Variants in KCNQ2 observed in about 807,000 individuals in gnomAD.
KCNQ2 encodes the protein potassium voltage-gated channel subfamily Q member 2.
In KCNQ2, 14 loss-of-function variants were observed where a neutral mutation model predicts 84.8. That is an observed-to-expected ratio of 0.17 (90% CI 0.11 to 0.26). The LOEUF is 0.26. Among genes scored for constraint, KCNQ2 ranks in the 10% least tolerant of loss-of-function variants. The probability of loss-of-function intolerance (pLI) is 1.00; values close to 1 mark genes in which losing one functional copy is unlikely to be tolerated. For missense variants in KCNQ2, 788 were observed against 1,254.0 expected (o/e 0.63, Z 5.61); for synonymous variants, 599 against 554.1 (o/e 1.08, Z -1.14).
At chr20:63,421,940 C>T (rs556615913) in intron 11 of KCNQ2, among the ~76,000 whole-genome samples, 6 of 152,298 alleles carry the variant, frequency 3.9e-5, no homozygotes, top group South Asian at 4.1e-4. Flanking sequence ...CTACGGGAAC[C>T]GAGCCCCCGC....
Position 63,414,775 on chromosome 20 carries a change from A to C in KCNQ2, c.1525+128T>G. 1.2e-6 allele frequency: 1 copy of C among 862,092 alleles called. No individual in the cohort carries two copies. The highest frequency in any genetic ancestry group is 1.9e-6 in the Non-Finnish European group (1 of 519,814). 53.4% of individuals were successfully genotyped at this position (862,092 alleles called of 1,614,324 possible). On this transcript the variant is annotated intron_variant, in intron 13 of 16. Coordinates refer to ENST00000359125, the MANE Select transcript of KCNQ2 (RefSeq NM_172107.4). The surrounding 1 kb of genome is among the most constrained non-coding windows in gnomAD (Gnocchi z 6.6). ...GCACAAGTCTCACCTCAATTTTAGA[A>C]AGGATAGGGGGTTCCCACTCCAAGA...
Position 63,406,452 on chromosome 20 carries a change from T to G in KCNQ2, c.*192A>C. 2.9e-6 allele frequency: 2 copies of G among 696,456 alleles called. No homozygotes were observed. The highest frequency in any genetic ancestry group is 4.7e-6 in the Non-Finnish European group (2 of 429,984). The allele number at this position is 696,456 out of a possible 1,614,324, so 43.1% of individuals were successfully genotyped here. ...CCCTGCCCAGCCCTCCAGCCCCTGT[T>G]GGAAAATAACTTTTGTAAAAGGTCA... On this transcript the variant is annotated 3_prime_UTR_variant, in exon 17 of 17. Transcript: ENST00000359125.
chr20:63,442,782 C>CACCATCACCAT (rs1555872407), intron 4 of KCNQ2, among the ~76,000 whole-genome samples: 1 of 31,770 alleles, frequency 3.1e-5, no homozygotes, highest in South Asian at 1.2e-3. Context: ...ATCACCACCA[C>CACCATCACCAT]CACCATCACC....
chr20:63,451,251 TCAC>T (rs1257308595), intron 1 of KCNQ2, among the ~76,000 whole-genome samples: 1 of 152,108 alleles, frequency 6.6e-6, no homozygotes, highest in Non-Finnish European at 1.5e-5. Flanking sequence ...GCCTCTGTCT[TCAC>T]CGCCGCTGTC....
At chr20:63,465,864 C>G (rs557196389) in intron 1 of KCNQ2, among the ~76,000 whole-genome samples, 1 of 152,178 alleles carries the variant, frequency 6.6e-6, no homozygotes, top group East Asian at 1.9e-4. Flanking sequence ...CCGCCGTTTC[C>G]GCTCGACGCT....
At chr20:63,443,451 T>C (rs796607780) in intron 4 of KCNQ2, among the ~76,000 whole-genome samples, 797 of 23,300 alleles carry the variant, frequency 0.034, 23 homozygotes, top group African/African-American at 0.091. Flanking sequence ...ACCACCACCA[T>C]CACCATCACC....
intron 7 of KCNQ2, among the ~76,000 whole-genome samples, chr20:63,436,278 T>C (rs1223746449): frequency 6.6e-6 from 1 of 152,198 alleles, no homozygotes; most frequent in Non-Finnish European, 1.5e-5. Context: ...ACGCCTGTAA[T>C]CCCAGCACTT....
At chr20:63,409,446 T>A (rs958518759) in intron 15 of KCNQ2, among the ~76,000 whole-genome samples, 1 of 152,202 alleles carries the variant, frequency 6.6e-6, no homozygotes, top group Non-Finnish European at 1.5e-5. Context: ...ACCAGTCTGG[T>A]ATCCACAGAG....
Position 63,415,440 on chromosome 20 carries a change from G to T in KCNQ2, c.1302-314C>A, listed in dbSNP as rs527544493. ...GGCCGAGCACCCGGCGGGAGGGAGG[G>T]AGGGGAGGCCACGGGGACCGAGCAC... is the stretch of plus-strand genomic sequence containing the variant. On this transcript the variant is annotated intron_variant, in intron 12 of 16. Transcript: ENST00000359125. Among the ~76,000 whole-genome samples, 11 of 113,876 alleles carry T rather than the reference G, an allele frequency of 9.7e-5. 1 individual carries two copies. Among genetic ancestry groups the T allele is most frequent in the African/African-American group, 3.0e-4 (9 of 29,734 alleles). The allele number at this position is 113,876 out of a possible 152,430, so 74.7% of individuals were successfully genotyped here.
intron 5 of KCNQ2, among the ~76,000 whole-genome samples, chr20:63,441,379 G>A (rs967972444): frequency 6.6e-6 from 1 of 152,116 alleles, no homozygotes; most frequent in Admixed American, 6.5e-5. Flanking sequence ...CACAGAAGCA[G>A]CCGCATCCGC....
chr20:63,406,511 G>C lies in KCNQ2; in HGVS notation c.*133C>G. On this transcript the variant is annotated 3_prime_UTR_variant, in exon 17 of 17. Transcript: ENST00000359125. ...AGCCCCCATCCTTCAGCCCACATGG[G>C]CCCCTCCAGGGCCCACCCTTCCCGC... is the stretch of plus-strand genomic sequence containing the variant. 9.0e-7 allele frequency: 1 copy of C among 1,112,994 alleles called. No homozygotes were observed. Among genetic ancestry groups the C allele is most frequent in the Non-Finnish European group, 1.2e-6 (1 of 806,736 alleles). 68.9% of individuals were successfully genotyped at this position (1,112,994 alleles called of 1,614,324 possible). A position where few individuals can be genotyped will look rare whatever the true frequency, so the allele number is the denominator to read the frequency against.
At position 63,409,888 on chromosome 20, in the gene KCNQ2, G is replaced by A. The variant is rs1409448058; in HGVS notation, c.1764-1352C>T. The stretch of plus-strand genomic sequence containing the variant: ...TGCCCTACCTGCCTCTGATGGGGGC[G>A]GGACTTCCTGCCACTGGGCTGCCCT... On this transcript the variant is annotated intron_variant, in intron 15 of 16. Transcript: ENST00000359125. The A allele has an allele frequency of 4.9e-5, 5 of 101,844 alleles. No homozygotes were observed. The East Asian group carries it at 1.3e-3, about 27-fold the overall frequency. 6.3% of individuals were successfully genotyped at this position (101,844 alleles called of 1,614,324 possible).
In KCNQ2 at chr20:63,401,755, C is replaced by A; in HGVS notation, c.*4889G>T. ...GCACCCGTGCACTGAGCACCCACCCCTCAGAGCTCAGCCCCCTGCTGGGCA... is the reference window on the plus strand; with the variant it reads ...GCACCCGTGCACTGAGCACCCACCCATCAGAGCTCAGCCCCCTGCTGGGCA... On this transcript the variant is annotated 3_prime_UTR_variant, in exon 17 of 17. Coordinates refer to ENST00000359125, the MANE Select transcript of KCNQ2 (RefSeq NM_172107.4). 4.9e-6 allele frequency: 1 copy of A among 202,026 alleles called. No homozygotes were observed. The highest frequency in any genetic ancestry group is 1.0e-5 in the Non-Finnish European group (1 of 97,636). The allele number at this position is 202,026 out of a possible 1,614,324, so 12.5% of individuals were successfully genotyped here.
intron 8 of KCNQ2, among the ~76,000 whole-genome samples, chr20:63,431,985 G>GAAGGCCTCACCCACAGGA (rs1568912359): frequency 0.03 from 4,034 of 136,692 alleles, 287 homozygotes; most frequent in Admixed American, 0.065. Context: ...CACCCGCAGG[G>GAAGGCCTCACCCACAGGA]AAGGCCCCAC....
In KCNQ2 at chr20:63,445,627, A is replaced by G. The variant is rs73619477; in HGVS notation, c.388-263T>C. 11 of 38,664 alleles carry G rather than the reference A, an allele frequency of 2.8e-4. 1 individual carries two copies. Among genetic ancestry groups the G allele is most frequent in the African/African-American group, 1.2e-3 (3 of 2,584 alleles). The allele number at this position is 38,664 out of a possible 1,614,324, so 2.4% of individuals were successfully genotyped here. On this transcript the variant is annotated intron_variant, in intron 2 of 16. Transcript: ENST00000359125. ...CCCCACCTCCCTGTCTGAGCTGGGG[A>G]CTCTATCTGGGCTAGGGGACCATGT...
At chr20:63,434,238 C>T (rs1234482774) in intron 7 of KCNQ2, 4 of 341,280 alleles carry the variant, frequency 1.2e-5, no homozygotes, top group Non-Finnish European at 2.1e-5. Context: ...TATCACCTGT[C>T]CTGGGGGTTA....
At position 63,401,615 on chromosome 20, in the gene KCNQ2, G is replaced by A. The variant is rs2079810274; in HGVS notation, c.*5029C>T. The A allele has an allele frequency of 6.5e-6, 1 of 153,778 alleles. No homozygotes were observed. Among genetic ancestry groups the A allele is most frequent in the Non-Finnish European group, 1.4e-5 (1 of 69,056 alleles). 9.5% of individuals were successfully genotyped at this position (153,778 alleles called of 1,614,324 possible). On this transcript the variant is annotated 3_prime_UTR_variant, in exon 17 of 17. Transcript: ENST00000359125. Reference sequence around the variant, plus strand: ...CCGTCCTGCAGCCCCTAAAGGCCCTGACCAGGCCTCTTCACGCCACCCCCA... The same window carrying A: ...CCGTCCTGCAGCCCCTAAAGGCCCTAACCAGGCCTCTTCACGCCACCCCCA...
intron 1 of KCNQ2, among the ~76,000 whole-genome samples, chr20:63,450,604 C>T (rs1350480461): frequency 2.6e-3 from 4 of 1,522 alleles, no homozygotes; most frequent in Admixed American, 0.018. Flanking sequence ...AGATCCCTAG[C>T]GCAGAGGTCA....
In KCNQ2 at chr20:63,406,842, G is replaced by A. The variant is rs779048131; in HGVS notation, c.2421C>T (p.Ile807=). The change falls in exon 17 of 17, where the codon ATC becomes ATT. Residue 807 remains isoleucine, a synonymous_variant. Transcript: ENST00000359125. ...CATCCAGGTTCTCCTTGGACTGGGA[G>A]ATGCTGAAGCCGCTGAAGGAACGCT... ...ELERSFSGFS[I]SQSKENLDAL... 5 of 1,612,336 alleles carry A rather than the reference G, an allele frequency of 3.1e-6. No homozygotes were observed. In the African/African-American group the frequency reaches 6.7e-5, roughly 22 times the overall value.
Sources: allele counts gnomAD v4.1 joint callset (sites outside exome capture counted in the v4.1 genomes callset), GRCh38; gene constraint gnomAD v4.1.1; non-coding constraint Gnocchi (gnomAD v3.1); transcripts MANE v1.5; gene names NCBI Gene and HGNC (gene_info 2026-07-23, HGNC 2026-07-21).